Variants in MRE11 observed in about 807,000 individuals in gnomAD.
MRE11 encodes the protein double-strand break repair protein MRE11.
In MRE11, 62 loss-of-function variants were observed where a neutral mutation model predicts 91.7. That is an observed-to-expected ratio of 0.68 (90% CI 0.55 to 0.84). The LOEUF (loss-of-function observed/expected upper bound fraction) is 0.84, where lower values mean the gene tolerates loss of function less well. Ranked by LOEUF, MRE11 falls within the 40% of genes least tolerant of loss-of-function variation. The pLI, the probability that MRE11 is intolerant of heterozygous loss-of-function variation, is 0.00. For missense variants in MRE11, 796 were observed against 852.9 expected, an observed-to-expected ratio of 0.93 and a Z score of 0.83; for synonymous variants, 273 against 271.4, an observed-to-expected ratio of 1.01 and a Z score of -0.06.
In MRE11 at chr11:94,488,729, G is replaced by C. The variant is rs187693972; in HGVS notation, c.153+2104C>G. On this transcript the variant is annotated intron_variant, in intron 3 of 19. Transcript: ENST00000323929. ...AGAAAAATCAAATACTTGTAAGTGGGAGCTAAATGATGAGAAGACATGGAC... is the reference window on the plus strand; with the variant it reads ...AGAAAAATCAAATACTTGTAAGTGGCAGCTAAATGATGAGAAGACATGGAC... 6.7e-4 allele frequency among the ~76,000 whole-genome samples: 102 copies of C among 152,210 alleles called. 1 individual carries two copies. Among genetic ancestry groups the C allele is most frequent in the Non-Finnish European group, 1.1e-3 (72 of 67,988 alleles).
intron 17 of MRE11, among the ~76,000 whole-genome samples, chr11:94,436,181 A>G (rs112033036): frequency 6.6e-6 from 1 of 152,200 alleles, no homozygotes; most frequent in Admixed American, 6.5e-5. Flanking sequence ...GCATAGGCTC[A>G]TATGCAGACC....
chr11:94,489,779 A>C (rs1175680815), intron 3 of MRE11, among the ~76,000 whole-genome samples: 1 of 152,154 alleles, frequency 6.6e-6, no homozygotes, highest in Non-Finnish European at 1.5e-5. Flanking sequence ...CTGCCTGCTG[A>C]AATTTTTCCC....
chr11:94,478,969 T>A, intron 5 of MRE11, 93 bp from the exon 6 acceptor site: 2 of 1,354,586 alleles, frequency 1.5e-6, no homozygotes, highest in South Asian at 2.4e-5. Context: ...TACTCCATAT[T>A]CTACTTACAA....
chr11:94,462,279 G>A (rs1320609064), intron 11 of MRE11, among the ~76,000 whole-genome samples: 1 of 152,052 alleles, frequency 6.6e-6, no homozygotes, highest in Non-Finnish European at 1.5e-5. Flanking sequence ...AAATAAAAGA[G>A]GACACAAACA....
chr11:94,429,890 T>A, intron 19 of MRE11, 21 bp downstream of exon 19: 1 of 1,578,606 alleles, frequency 6.3e-7, no homozygotes, highest in Non-Finnish European at 8.6e-7. Flanking sequence ...TAATTAAAAT[T>A]TAACAATATT....
In MRE11 at chr11:94,476,447, G is replaced by A. The variant is rs13447621; in HGVS notation, c.545-44C>T. The A allele has an allele frequency of 1.3e-3, 1,755 of 1,334,542 alleles. 29 individuals carry two copies. In the African/African-American group the frequency reaches 0.023, roughly 17 times the overall value. 82.7% of individuals were successfully genotyped at this position (1,334,542 alleles called of 1,614,324 possible). ...TATTTTTAAATTGTTTTCTTACTTC[G>A]GCTTAAAAAATGAATCTATTTTGCT... On this transcript the variant is annotated intron_variant, in intron 6 of 19. Coordinates refer to ENST00000323929, the MANE Select transcript of MRE11 (RefSeq NM_005591.4).
the MRE11 span, among the ~76,000 whole-genome samples, chr11:94,502,264 T>C: frequency 6.6e-6 from 1 of 152,236 alleles, no homozygotes; most frequent in Non-Finnish European, 1.5e-5. Context: ...ACCTTTCCTC[T>C]TCACCATACA....
chr11:94,443,662 G>A (rs149545749), intron 16 of MRE11, among the ~76,000 whole-genome samples: 34 of 152,266 alleles, frequency 2.2e-4, no homozygotes, highest in African/African-American at 6.7e-4. Flanking sequence ...TGGAAAACAC[G>A]AATGCGCCTC....
At chr11:94,494,848 C>A (rs1487083761), upstream of MRE11, among the ~76,000 whole-genome samples, 1 of 152,140 alleles carries the variant, frequency 6.6e-6, no homozygotes, top group Non-Finnish European at 1.5e-5. Context: ...GATATAATTA[C>A]AAGTGAACTT....
intron 18 of MRE11, among the ~76,000 whole-genome samples, chr11:94,434,982 A>G (rs1263977554): frequency 1.3e-5 from 2 of 152,232 alleles, no homozygotes; most frequent in African/African-American, 4.8e-5. Context: ...GCTTTAGTTA[A>G]GCAGTATTCA....
chr11:94,438,281 CAAAT>C (rs375370381), intron 16 of MRE11, among the ~76,000 whole-genome samples: 1 of 152,118 alleles, frequency 6.6e-6, no homozygotes, highest in African/African-American at 2.4e-5. Context: ...GAAAAACAAA[CAAAT>C]ACTCAAAAAA....
At chr11:94,424,842 T>C (rs1424940901) in intron 19 of MRE11, among the ~76,000 whole-genome samples, 2 of 151,684 alleles carry the variant, frequency 1.3e-5, no homozygotes, top group Non-Finnish European at 2.9e-5. Context: ...CTCTGAGAAA[T>C]ATGAGATTAT....
At position 94,480,777 on chromosome 11, in the gene MRE11, T is replaced by C. The variant is rs147778329; in HGVS notation, c.315-1016A>G. ...TTAAATCTATGCTAGCAGTTCTTAA[T>C]GCTAGCAGCATGTTGGAATTATCTT... On this transcript the variant is annotated intron_variant, in intron 4 of 19. Transcript: ENST00000323929. 3.0e-3 allele frequency among the ~76,000 whole-genome samples: 459 copies of C among 152,318 alleles called. 2 individuals carry two copies. Among genetic ancestry groups the C allele is most frequent in the African/African-American group, 0.011 (440 of 41,566 alleles).
intron 19 of MRE11, among the ~76,000 whole-genome samples, chr11:94,422,314 A>AT (rs1945191362): frequency 6.6e-6 from 1 of 152,158 alleles, no homozygotes; most frequent in South Asian, 2.1e-4. Flanking sequence ...TCATGGTTGC[A>AT]GACGCGATCT....
chr11:94,423,394 C>T (rs1374635685), intron 19 of MRE11, among the ~76,000 whole-genome samples: 1 of 152,202 alleles, frequency 6.6e-6, no homozygotes, highest in African/African-American at 2.4e-5. Flanking sequence ...AAACAGTAGG[C>T]AGAGACAGAG....
intron 13 of MRE11, among the ~76,000 whole-genome samples, chr11:94,456,709 C>G (rs896214821): frequency 2.0e-5 from 3 of 152,124 alleles, no homozygotes; most frequent in African/African-American, 7.2e-5. Flanking sequence ...TTGCAAATCA[C>G]TCTTGTGCAC....
chr11:94,467,443 C>CA (rs1316785997), intron 10 of MRE11, among the ~76,000 whole-genome samples: 1 of 152,034 alleles, frequency 6.6e-6, no homozygotes, highest in Non-Finnish European at 1.5e-5. Flanking sequence ...GATAGGGCTG[C>CA]AGTGAGGTGA....
chr11:94,450,914 T>TA lies in MRE11; in HGVS notation c.1564-3477dup, dbSNP rs796497614. On this transcript the variant is annotated intron_variant, in intron 14 of 19. Transcript: ENST00000323929. ...CTTTGGGACAAAACAATAACATTAA[T>TA]AAAAATCACAAAGCTTTAAAGAAAG... Among the ~76,000 whole-genome samples, 28 of 152,124 alleles carry TA rather than the reference T, an allele frequency of 1.8e-4. 2 individuals carry two copies. Among genetic ancestry groups the TA allele is most frequent in the African/African-American group, 5.8e-4 (24 of 41,504 alleles).
At chr11:94,490,481 C>T (rs932361637) in intron 3 of MRE11, among the ~76,000 whole-genome samples, 4 of 152,226 alleles carry the variant, frequency 2.6e-5, no homozygotes, top group African/African-American at 9.6e-5. Context: ...TACAACCTTG[C>T]ATCTGTGGAT....
Sources: allele counts gnomAD v4.1 joint callset (sites outside exome capture counted in the v4.1 genomes callset), GRCh38; gene constraint gnomAD v4.1.1; transcripts MANE v1.5; gene names NCBI Gene and HGNC (gene_info 2026-07-23, HGNC 2026-07-21).